Variants in CEP112 observed in about 807,000 individuals in gnomAD.
CEP112 encodes centrosomal protein 112.
CEP112 carries 127 observed loss-of-function variants against 153.0 expected under a neutral mutation model. The observed-to-expected ratio is 0.83, with a 90% CI of 0.72 to 0.96. The LOEUF (loss-of-function observed/expected upper bound fraction) is 0.96, where lower values mean the gene tolerates loss of function less well. Among genes scored for constraint, CEP112 ranks in the 40% least tolerant of loss-of-function variants. The probability of loss-of-function intolerance (pLI) is 0.00; values close to 1 mark genes in which losing one functional copy is unlikely to be tolerated. For missense variants in CEP112, 1,089 were observed against 1,101.2 expected (o/e 0.99, Z 0.16); for synonymous variants, 358 against 374.4 (o/e 0.96, Z 0.51).
chr17:65,677,686 G>A (rs1216461516), intron 24 of CEP112, among the ~76,000 whole-genome samples: 1 of 152,208 alleles, frequency 6.6e-6, no homozygotes, highest in African/African-American at 2.4e-5. Context: ...GCTGAGGTGG[G>A]TGGATCACTT....
intron 2 of CEP112, 69 bp from the exon 3 acceptor site, chr17:66,177,089 A>G: frequency 1.6e-6 from 2 of 1,238,248 alleles, no homozygotes; most frequent in South Asian, 3.0e-5. Flanking sequence ...ACAAAGACCT[A>G]TAATAGCACC....
rs11393272 is a variant in CEP112, at chr17:65,965,513, G to GCCC, written c.1737-3918_1737-3916dup. Among the ~76,000 whole-genome samples the GCCC allele has an allele frequency of 1.4e-4, 15 of 109,128 alleles. No homozygotes were observed. The South Asian group carries it at 6.1e-3, about 45-fold the overall frequency. The allele number at this position is 109,128 out of a possible 152,430, so 71.6% of individuals were successfully genotyped here. Reference sequence around the variant, plus strand: ...CTCCACTAATATTTAGAAACCTTCTGCCCCCTTTTTTTTTTTTTTTTTTCT... The same window carrying GCCC: ...CTCCACTAATATTTAGAAACCTTCTGCCCCCCCCTTTTTTTTTTTTTTTTTTCT... On this transcript the variant is annotated intron_variant, in intron 17 of 26. Coordinates refer to ENST00000535342, the MANE Select transcript of CEP112 (RefSeq NM_001199165.4).
At chr17:65,816,721 TTG>T (rs1419225321) in intron 21 of CEP112, among the ~76,000 whole-genome samples, 1 of 152,054 alleles carries the variant, frequency 6.6e-6, no homozygotes, top group Non-Finnish European at 1.5e-5. Flanking sequence ...AAGTGATTTT[TTG>T]TGTGTGTCTG....
chr17:65,970,216 C>CATATACCATGCATATATGCATGT (rs989143032), intron 17 of CEP112, among the ~76,000 whole-genome samples: 2 of 114,298 alleles, frequency 1.7e-5, no homozygotes, highest in Middle Eastern at 4.3e-3. Flanking sequence ...GTCATGCATG[C>CATATACCATGCATATATGCATGT]ATATACCATG....
chr17:65,792,075 C>T (rs888340), intron 21 of CEP112, among the ~76,000 whole-genome samples: 95,408 of 152,014 alleles, frequency 0.63, 30,949 homozygotes, highest in East Asian at 0.94. Context: ...CAAGAACTGC[C>T]GCAGCTTTAC....
intron 16 of CEP112, among the ~76,000 whole-genome samples, chr17:66,024,270 G>C (rs1360688259): frequency 6.6e-6 from 1 of 152,104 alleles, no homozygotes; most frequent in Non-Finnish European, 1.5e-5. Context: ...AGACAAGGAT[G>C]CTTACTTTCA....
At chr17:65,663,488 C>T (rs954205117) in intron 24 of CEP112, among the ~76,000 whole-genome samples, 3 of 151,996 alleles carry the variant, frequency 2.0e-5, no homozygotes, top group African/African-American at 4.8e-5. Flanking sequence ...AAAAGGGGGG[C>T]GGCCAGTAGA....
At chr17:65,822,699 T>A (rs1187911479) in intron 21 of CEP112, among the ~76,000 whole-genome samples, 2 of 152,150 alleles carry the variant, frequency 1.3e-5, no homozygotes, top group Non-Finnish European at 2.9e-5. Flanking sequence ...GAGGAGTCAT[T>A]TTCCAAAATT....
intron 20 of CEP112, among the ~76,000 whole-genome samples, chr17:65,853,504 G>A (rs992155163): frequency 1.3e-5 from 2 of 152,086 alleles, no homozygotes; most frequent in Non-Finnish European, 2.9e-5. Flanking sequence ...GCCGAGGCGG[G>A]TGGATCACAA....
At chr17:65,945,886 ATCTGCCTGCC>A (rs1026477153) in intron 18 of CEP112, among the ~76,000 whole-genome samples, 16 of 152,266 alleles carry the variant, frequency 1.1e-4, no homozygotes, top group African/African-American at 3.6e-4. Flanking sequence ...ACCTCAGGTG[ATCTGCCTGCC>A]TCGGCCTCCC....
chr17:66,042,977 G>A (rs1167991031), intron 12 of CEP112: 1 of 400,252 alleles, frequency 2.5e-6, no homozygotes, highest in African/African-American at 2.2e-5. Context: ...TCAAATTCTA[G>A]CTATCTCAGT....
intron 24 of CEP112, among the ~76,000 whole-genome samples, chr17:65,674,113 C>T (rs112428676): frequency 4.6e-5 from 7 of 152,252 alleles, no homozygotes; most frequent in South Asian, 4.1e-4. Context: ...TCAGGCAATC[C>T]GCTCGCCTCA....
intron 8 of CEP112, among the ~76,000 whole-genome samples, chr17:66,090,749 T>A (rs1471900927): frequency 6.6e-6 from 1 of 152,088 alleles, no homozygotes; most frequent in African/African-American, 2.4e-5. Context: ...AAAGACAGAA[T>A]AACTGAATGG....
At chr17:65,799,932 A>G (rs1209363412) in intron 21 of CEP112, among the ~76,000 whole-genome samples, 1 of 152,196 alleles carries the variant, frequency 6.6e-6, no homozygotes, top group East Asian at 1.9e-4. Context: ...TCTAGAAAAA[A>G]TGCAAGATGA....
chr17:65,875,039 A>G (rs945004878), intron 20 of CEP112, among the ~76,000 whole-genome samples: 7 of 152,104 alleles, frequency 4.6e-5, no homozygotes. Flanking sequence ...CTTACTGACC[A>G]TTCTCATAAG....
chr17:66,000,526 C>T (rs2063992799), intron 17 of CEP112, among the ~76,000 whole-genome samples: 1 of 150,272 alleles, frequency 6.7e-6, no homozygotes, highest in Non-Finnish European at 1.5e-5. Context: ...TTTTGCATTA[C>T]TTAAGTCTTT....
chr17:65,970,875 A>C (rs1056495107), intron 17 of CEP112, among the ~76,000 whole-genome samples: 1 of 152,278 alleles, frequency 6.6e-6, no homozygotes, highest in Non-Finnish European at 1.5e-5. Context: ...GCTGCATCGC[A>C]TTACATGCAT....
intron 16 of CEP112, among the ~76,000 whole-genome samples, chr17:66,021,724 C>A (rs1188286574): frequency 6.6e-6 from 1 of 152,182 alleles, no homozygotes; most frequent in African/African-American, 2.4e-5. Flanking sequence ...CCTGTCAGGG[C>A]TGGTGCTTGT....
intron 17 of CEP112, among the ~76,000 whole-genome samples, chr17:65,995,281 C>T (rs946457977): frequency 3.3e-5 from 5 of 152,108 alleles, no homozygotes; most frequent in African/African-American, 9.6e-5. Flanking sequence ...GTAAATTTAT[C>T]TTCAAAGATT....
Sources: gnomAD v4.1 joint callset for allele counts (sites outside exome capture counted in the v4.1 genomes callset) on GRCh38, gnomAD v4.1.1 for gene constraint, MANE v1.5 for transcripts, NCBI Gene and HGNC (gene_info 2026-07-23, HGNC 2026-07-21) for gene names.